The following NRXN1 variants were observed in gnomAD, a reference collection of about 807,000 sequenced individuals.
NRXN1 encodes neurexin 1.
Under a neutral mutation model 150.9 loss-of-function variants are expected in NRXN1, and 39 were observed. The ratio of observed to expected loss-of-function variants is 0.26; its 90% CI spans 0.20 to 0.34. The LOEUF (loss-of-function observed/expected upper bound fraction) is 0.34, where lower values mean the gene tolerates loss of function less well. Among genes scored for constraint, NRXN1 ranks in the 10% least tolerant of loss-of-function variants. The probability of loss-of-function intolerance (pLI) is 1.00; values close to 1 mark genes in which losing one functional copy is unlikely to be tolerated. For synonymous variants in NRXN1, 924 were observed against 757.0 expected (o/e 1.22, Z -3.62); for missense variants, 1,815 against 1,949.9 (o/e 0.93, Z 1.30).
chr2:50,145,977 T>A (rs769244445), intron 18 of NRXN1, among the ~76,000 whole-genome samples: 3 of 151,314 alleles, frequency 2.0e-5, no homozygotes, highest in Admixed American at 6.6e-5. Context: ...AAAAAAAAAA[T>A]TCATTAGTTT....
intron 8 of NRXN1, among the ~76,000 whole-genome samples, chr2:50,612,094 C>T (rs1409341859): frequency 1.3e-5 from 2 of 152,092 alleles, no homozygotes; most frequent in East Asian, 1.9e-4. Flanking sequence ...GTGGCAGTTA[C>T]GGGCAAGGAT....
At chr2:50,266,536 TACACACACACACACACAC>T (rs67570666) in intron 17 of NRXN1, among the ~76,000 whole-genome samples, 93 of 112,808 alleles carry the variant, frequency 8.2e-4, no homozygotes, top group African/African-American at 2.9e-3. Flanking sequence ...TGTATATAAA[TACACACACACACACACAC>T]ACACACACAC....
chr2:50,465,409 T>TG, intron 17 of NRXN1, 33 bp downstream of exon 17: 2 of 1,562,234 alleles, frequency 1.3e-6, no homozygotes, highest in Non-Finnish European at 1.7e-6. Flanking sequence ...GAAGCAACGA[T>TG]GAGTATCAGT....
rs375255861 is a variant in NRXN1, at chr2:50,629,830, C to T, written c.833-6215G>A. Among the ~76,000 whole-genome samples the T allele has an allele frequency of 2.6e-5, 4 of 151,606 alleles. 1 individual carries two copies. The highest frequency in any genetic ancestry group is 7.2e-5 in the African/African-American group (3 of 41,482). On this transcript the variant is annotated intron_variant, in intron 5 of 22. Coordinates refer to ENST00000401669, the MANE Select transcript of NRXN1 (RefSeq NM_001330078.2). ...ATTAATATCCTTTAATTACCATTTG[C>T]TCTTAAGAGTAATCTCTCAAGATTT...
At chr2:50,353,978 G>C (rs975215873) in intron 17 of NRXN1, among the ~76,000 whole-genome samples, 2 of 152,148 alleles carry the variant, frequency 1.3e-5, no homozygotes, top group African/African-American at 2.4e-5. Flanking sequence ...GAAGCTGCTA[G>C]TCCAGGGGAA....
At chr2:50,583,393 T>C (rs1672597270) in intron 8 of NRXN1, among the ~76,000 whole-genome samples, 1 of 152,130 alleles carries the variant, frequency 6.6e-6, no homozygotes, top group East Asian at 1.9e-4. Context: ...CTCAGGTACA[T>C]CAAAGCTAAA....
intron 21 of NRXN1, among the ~76,000 whole-genome samples, chr2:50,005,690 TAG>T (rs985887181): frequency 2.6e-5 from 4 of 152,180 alleles, no homozygotes; most frequent in Admixed American, 6.6e-5. Context: ...ACCTCTTTTA[TAG>T]AGTTTTTAAT....
chr2:50,330,344 C>T (rs1030015943), intron 17 of NRXN1, among the ~76,000 whole-genome samples: 5 of 152,066 alleles, frequency 3.3e-5, no homozygotes, highest in Non-Finnish European at 7.4e-5. Context: ...CCAATGTTAT[C>T]GAAAATTTCC....
chr2:50,442,332 C>T (rs1214944782), intron 17 of NRXN1, among the ~76,000 whole-genome samples: 1 of 152,162 alleles, frequency 6.6e-6, no homozygotes, highest in Non-Finnish European at 1.5e-5. Flanking sequence ...AAAATCCATA[C>T]TTTAAACACT....
intron 5 of NRXN1, among the ~76,000 whole-genome samples, chr2:50,782,303 T>C (rs1484314306): frequency 6.6e-6 from 1 of 151,990 alleles, no homozygotes; most frequent in Admixed American, 6.6e-5. Flanking sequence ...ATCCCATCTC[T>C]ACTAAAAATA....
At chr2:50,358,390 T>C (rs1197887613) in intron 17 of NRXN1, among the ~76,000 whole-genome samples, 1 of 152,100 alleles carries the variant, frequency 6.6e-6, no homozygotes, top group Non-Finnish European at 1.5e-5. Flanking sequence ...TCAAGCTTGG[T>C]GTGGGGAGGG....
At chr2:50,252,360 G>C (rs1308227880) in intron 17 of NRXN1, among the ~76,000 whole-genome samples, 1 of 143,104 alleles carries the variant, frequency 7.0e-6, no homozygotes, top group Admixed American at 7.4e-5. Context: ...TTGGGTTCAA[G>C]TGATTCTCCT....
chr2:50,143,746 T>A (rs915927997), intron 18 of NRXN1, among the ~76,000 whole-genome samples: 2 of 151,566 alleles, frequency 1.3e-5, no homozygotes, highest in Admixed American at 1.3e-4. Flanking sequence ...CCACTTCTTC[T>A]AGATGCTGGC....
intron 17 of NRXN1, among the ~76,000 whole-genome samples, chr2:50,321,493 TAA>T: frequency 6.6e-6 from 1 of 152,170 alleles, no homozygotes; most frequent in East Asian, 1.9e-4. Flanking sequence ...CTTTGAACTT[TAA>T]AGAGTTTAAA....
intron 17 of NRXN1, among the ~76,000 whole-genome samples, chr2:50,253,612 T>A (rs909984733): frequency 1.3e-5 from 2 of 152,214 alleles, no homozygotes; most frequent in Non-Finnish European, 2.9e-5. Flanking sequence ...TTGAGAGTTT[T>A]TAACGTAAAG....
intron 17 of NRXN1, among the ~76,000 whole-genome samples, chr2:50,459,555 A>T (rs578099538): frequency 2.0e-5 from 3 of 152,274 alleles, no homozygotes; most frequent in African/African-American, 7.2e-5. Context: ...AAATGGGAAC[A>T]TGTGGTATTT....
At chr2:50,796,805 G>T (rs558554662) in intron 5 of NRXN1, among the ~76,000 whole-genome samples, 1 of 152,184 alleles carries the variant, frequency 6.6e-6, no homozygotes, top group South Asian at 2.1e-4. Flanking sequence ...TAGTCCATTT[G>T]GGCTGCTACA....
At chr2:50,420,682 G>C (rs1043662310) in intron 17 of NRXN1, among the ~76,000 whole-genome samples, 1 of 151,940 alleles carries the variant, frequency 6.6e-6, no homozygotes, top group Non-Finnish European at 1.5e-5. Flanking sequence ...ATAAAGTACA[G>C]CTCATGAAAT....
At chr2:50,693,898 C>T (rs1403012732) in intron 5 of NRXN1, among the ~76,000 whole-genome samples, 1 of 152,216 alleles carries the variant, frequency 6.6e-6, no homozygotes, top group Non-Finnish European at 1.5e-5. Flanking sequence ...ATCATGTCCC[C>T]CTTTTACCTC....
Sources: allele counts gnomAD v4.1 joint callset (sites outside exome capture counted in the v4.1 genomes callset), GRCh38; gene constraint gnomAD v4.1.1; transcripts MANE v1.5; gene names NCBI Gene and HGNC (gene_info 2026-07-23, HGNC 2026-07-21).